The following MTMR9 variants were observed in gnomAD, a reference collection of about 807,000 sequenced individuals.
MTMR9 encodes the protein myotubularin-related protein 9.
A neutral mutation model predicts 69.5 loss-of-function variants in MTMR9; 39 were observed. The observed-to-expected ratio is 0.56, with a 90% CI of 0.43 to 0.73. MTMR9 has a LOEUF of 0.73. Ranked by LOEUF, MTMR9 falls within the 30% of genes least tolerant of loss-of-function variation. The pLI, the probability that MTMR9 is intolerant of heterozygous loss-of-function variation, is 0.00. For synonymous variants in MTMR9, 354 were observed against 240.8 expected (o/e 1.47, Z -4.35); for missense variants, 900 against 671.2 (o/e 1.34, Z -3.77).
At chr8:11,302,148 G>C (rs1450652725) in intron 3 of MTMR9, among the ~76,000 whole-genome samples, 5 of 151,570 alleles carry the variant, frequency 3.3e-5, no homozygotes, top group Non-Finnish European at 5.9e-5. Flanking sequence ...AGTTACCTGG[G>C]GGTCTGAGGT....
chr8:11,322,417 T>G (rs1226328112), intron 9 of MTMR9, among the ~76,000 whole-genome samples: 3 of 152,230 alleles, frequency 2.0e-5, no homozygotes, highest in Non-Finnish European at 4.4e-5. Flanking sequence ...ATACAAGTAG[T>G]GACTTCTCAA....
rs193263013 is a variant in MTMR9, at chr8:11,295,150, T to G, written c.183-44T>G. ...AAAGAAATAATAATATATTTAAAGT[T>G]AGTAATATATGTGTTCCTAAACATG... On this transcript the variant is annotated intron_variant, in intron 1 of 9. Transcript: ENST00000221086. 3.3e-3 allele frequency: 3,147 copies of G among 965,256 alleles called. 10 individuals carry two copies. Among genetic ancestry groups the G allele is most frequent in the Admixed American group, 4.5e-3 (218 of 48,460 alleles). 59.8% of individuals were successfully genotyped at this position (965,256 alleles called of 1,614,324 possible).
At chr8:11,316,919 C>T (rs1041526595) in intron 8 of MTMR9, 26 bp downstream of exon 8, 6 of 1,472,574 alleles carry the variant, frequency 4.1e-6, no homozygotes, top group Non-Finnish European at 5.5e-6. Context: ...ACATGGGGAC[C>T]TTTCCTTTTC....
rs894664578 is a variant in MTMR9 at position 11,323,782 on chromosome 8, A to C, written c.*994A>C. 1 of 152,144 alleles carries C rather than the reference A, an allele frequency of 6.6e-6. No homozygotes were observed. Among genetic ancestry groups the C allele is most frequent in the Non-Finnish European group, 1.5e-5 (1 of 68,030 alleles). 9.4% of individuals were successfully genotyped at this position (152,144 alleles called of 1,614,324 possible). A position where few individuals can be genotyped will look rare whatever the true frequency, so the allele number is the denominator to read the frequency against. On this transcript the variant is annotated 3_prime_UTR_variant, in exon 10 of 10. Transcript: ENST00000221086. ...TCCTAATACTAAGGTTAAAATTTTC[A>C]TGTTGACCTGAGCCTTTTGCAAATT... is the stretch of plus-strand genomic sequence containing the variant.
chr8:11,298,104 A>G (rs2409754), intron 2 of MTMR9, among the ~76,000 whole-genome samples: 100,975 of 152,124 alleles, frequency 0.66, 35,035 homozygotes, highest in East Asian at 0.89. Flanking sequence ...GCAATAAGTT[A>G]GTGAAGCTTT....
At chr8:11,332,874 G>A (rs1237332115), downstream of MTMR9, among the ~76,000 whole-genome samples, 2 of 152,154 alleles carry the variant, frequency 1.3e-5, no homozygotes, top group African/African-American at 4.8e-5. Context: ...TGCTGGGATT[G>A]CAGGCATTAG....
Position 11,323,134 on chromosome 8 carries a change from G to A in MTMR9, c.*346G>A, listed in dbSNP as rs968029525. The A allele has an allele frequency of 2.7e-4, 46 of 167,576 alleles. No individual in the cohort carries two copies. Among genetic ancestry groups the A allele is most frequent in the Admixed American group, 1.0e-3 (16 of 15,948 alleles). 10.4% of individuals were successfully genotyped at this position (167,576 alleles called of 1,614,324 possible). On this transcript the variant is annotated 3_prime_UTR_variant, in exon 10 of 10. Transcript: ENST00000221086. ...ACTCTCCAAACAGCATTCTAGAGCA[G>A]TCAAGGAGACAGCTAATCTCTCTAG...
At chr8:11,332,755 C>T (rs556509818), downstream of MTMR9, among the ~76,000 whole-genome samples, 14 of 152,264 alleles carry the variant, frequency 9.2e-5, no homozygotes, top group African/African-American at 3.1e-4. Flanking sequence ...GTGCATGCCA[C>T]CACACGCAGC....
intron 1 of MTMR9, among the ~76,000 whole-genome samples, chr8:11,291,880 A>G (rs191390448): frequency 8.9e-4 from 134 of 151,156 alleles, no homozygotes; most frequent in Non-Finnish European, 1.4e-3. Context: ...GTGATTTTTA[A>G]AACAGTTTTA....
chr8:11,307,222 C>A (rs1479430903), intron 5 of MTMR9, among the ~76,000 whole-genome samples: 1 of 152,158 alleles, frequency 6.6e-6, no homozygotes, highest in Non-Finnish European at 1.5e-5. Flanking sequence ...CAGGTGCCTG[C>A]TACCACGCCT....
chr8:11,303,322 G>A (rs891205426), intron 3 of MTMR9, among the ~76,000 whole-genome samples: 6 of 151,372 alleles, frequency 4.0e-5, no homozygotes, highest in African/African-American at 1.5e-4. Flanking sequence ...ATTCTCCAGA[G>A]TAGGAAATCA....
At chr8:11,338,363 G>A in the MTMR9 span, among the ~76,000 whole-genome samples, 1 of 152,372 alleles carries the variant, frequency 6.6e-6, no homozygotes, top group African/African-American at 2.4e-5. Context: ...AGGTGGCACT[G>A]GCCTTGTTGG....
At position 11,309,590 on chromosome 8, in the gene MTMR9, C is replaced by A. The variant is rs1800109353; in HGVS notation, c.873C>A (p.Asn291Lys). The change falls in exon 6 of 10, where the codon AAC (asparagine) becomes AAA (lysine). Residue 291 changes from asparagine to lysine, a missense_variant. Coordinates refer to ENST00000221086, the MANE Select transcript of MTMR9 (RefSeq NM_015458.4). ...AAGCTTGTAATGACCAAACACATAA[C>A]ATGGACCGATGGCTCAGTAAATTGG... ...LVEACNDQTH[N>K]MDRWLSKLEA... 1 of 1,613,906 alleles carries A rather than the reference C, an allele frequency of 6.2e-7. No homozygotes were observed. Among genetic ancestry groups the A allele is most frequent in the Non-Finnish European group, 8.5e-7 (1 of 1,179,844 alleles).
intron 5 of MTMR9, among the ~76,000 whole-genome samples, chr8:11,306,696 A>G (rs1041366498): frequency 6.6e-6 from 1 of 152,270 alleles, no homozygotes; most frequent in East Asian, 1.9e-4. Context: ...ATTTTTTTGG[A>G]TGGTGAGAAC....
the MTMR9 span, among the ~76,000 whole-genome samples, chr8:11,335,871 A>G: frequency 1.2e-4 from 19 of 152,118 alleles, no homozygotes; most frequent in African/African-American, 4.3e-4. Context: ...CATCTCAACT[A>G]ATTACATCTG....
intron 5 of MTMR9, among the ~76,000 whole-genome samples, chr8:11,307,543 G>A (rs1017358488): frequency 1.3e-5 from 2 of 152,116 alleles, no homozygotes; most frequent in East Asian, 1.9e-4. Flanking sequence ...TTTCGTTTCC[G>A]ATATTCAAAA....
chr8:11,301,264 C>G (rs75592122), intron 3 of MTMR9, among the ~76,000 whole-genome samples: 2,011 of 152,174 alleles, frequency 0.013, 47 homozygotes, highest in African/African-American at 0.046. Flanking sequence ...TACTGTAAAG[C>G]CACAGTAATC....
At chr8:11,300,957 T>G (rs1173418509) in intron 3 of MTMR9, among the ~76,000 whole-genome samples, 4 of 152,184 alleles carry the variant, frequency 2.6e-5, no homozygotes, top group African/African-American at 9.6e-5. Context: ...GTGGTCTCTG[T>G]TGTAACTACT....
chr8:11,322,308 G>A (rs1184290625), intron 9 of MTMR9, among the ~76,000 whole-genome samples: 3 of 152,178 alleles, frequency 2.0e-5, no homozygotes, highest in Non-Finnish European at 4.4e-5. Context: ...TTATGACATT[G>A]CAAATTATCA....
Sources: gnomAD v4.1 joint callset for allele counts (sites outside exome capture counted in the v4.1 genomes callset) on GRCh38, gnomAD v4.1.1 for gene constraint, MANE v1.5 for transcripts, NCBI Gene and HGNC (gene_info 2026-07-23, HGNC 2026-07-21) for gene names.